Variants in MTMR8 observed in about 807,000 individuals in gnomAD.
MTMR8 encodes phosphatidylinositol-3,5-bisphosphate 3-phosphatase MTMR8.
MTMR8 carries 65 observed loss-of-function variants against 39.3 expected under a neutral mutation model. That is an observed-to-expected ratio of 1.65 (90% CI 1.35 to 2.03). MTMR8 has a LOEUF of 2.03. Ranked by LOEUF, MTMR8 falls within the 30% of genes most tolerant of loss-of-function variation. MTMR8 has a pLI of 0.00. For missense variants in MTMR8, 777 were observed against 538.9 expected (o/e 1.44, Z -4.37); for synonymous variants, 245 against 185.2 (o/e 1.32, Z -2.62).
chrX:64,296,516 G>A (rs992087526), intron 12 of MTMR8, among the ~76,000 whole-genome samples: 13 of 108,572 alleles, frequency 1.2e-4, no homozygotes, highest in Admixed American at 9.9e-4. Flanking sequence ...TGGGGCCAGA[G>A]GACGGACTGT....
intron 1 of MTMR8, among the ~76,000 whole-genome samples, chrX:64,376,349 C>A (rs1924266754): frequency 8.9e-6 from 1 of 111,836 alleles, no homozygotes; most frequent in Non-Finnish European, 1.9e-5. Flanking sequence ...ATGGTCGTGA[C>A]CAAAATGTTG....
chrX:64,379,869 G>C (rs1458565969), intron 1 of MTMR8, among the ~76,000 whole-genome samples: 1 of 110,851 alleles, frequency 9.0e-6, no homozygotes, highest in African/African-American at 3.3e-5. Flanking sequence ...TGTAATGTTG[G>C]TTCATCATTT....
At chrX:64,276,392 G>T (rs1259909419) in intron 12 of MTMR8, among the ~76,000 whole-genome samples, 1 of 111,328 alleles carries the variant, frequency 9.0e-6, no homozygotes. Context: ...GCTGATCTTA[G>T]ATCTTTCCTG....
Position 64,348,734 on chromosome X carries a change from C to G in MTMR8, c.658G>C (p.Glu220Gln), listed in dbSNP as rs1433923158. The change falls in exon 6 of 14, where the codon GAG becomes CAG. Residue 220 changes from glutamate (E) to glutamine (Q), a missense_variant. Physicochemically the swap from Glu to Gln is conservative, Grantham distance 29. Coordinates refer to ENST00000374852, the MANE Select transcript of MTMR8 (RefSeq NM_017677.4). ...TGGCTAATGGCCTCCAACAAGAGCT[C>G]ATCATCTACACAGCGAGTGTAAAAT... is the stretch of plus-strand genomic sequence containing the variant. Reference protein sequence around the residue: ...SGFYTRCVDDELLLEAISQTN... With the variant: ...SGFYTRCVDDQLLLEAISQTN... 5 of 1,210,809 alleles carry G rather than the reference C, an allele frequency of 4.1e-6. No homozygotes were observed. The highest frequency in any genetic ancestry group is 3.0e-5 in the East Asian group (1 of 33,779).
At chrX:64,289,066 A>T (rs1921307144) in intron 12 of MTMR8, among the ~76,000 whole-genome samples, 1 of 110,076 alleles carries the variant, frequency 9.1e-6, no homozygotes, top group Non-Finnish European at 1.9e-5. Flanking sequence ...AACTTCTACA[A>T]CAACAACAAC....
At chrX:64,294,161 G>C (rs1250267044) in intron 12 of MTMR8, among the ~76,000 whole-genome samples, 1 of 111,952 alleles carries the variant, frequency 8.9e-6, no homozygotes, top group Non-Finnish European at 1.9e-5. Flanking sequence ...GCTAACTATA[G>C]AGAGTTAAAT....
At chrX:64,373,059 C>G (rs1016167465) in intron 1 of MTMR8, among the ~76,000 whole-genome samples, 2 of 111,649 alleles carry the variant, frequency 1.8e-5, no homozygotes, top group African/African-American at 6.5e-5. Context: ...TACATGTTAT[C>G]TCATTTAATC....
chrX:64,374,792 C>A (rs1372027359), intron 1 of MTMR8, among the ~76,000 whole-genome samples: 1 of 110,225 alleles, frequency 9.1e-6, no homozygotes, highest in African/African-American at 3.3e-5. Flanking sequence ...CCAAGGTGGG[C>A]TGCAAATCCA....
intron 1 of MTMR8, among the ~76,000 whole-genome samples, chrX:64,369,083 A>G (rs1258212795): frequency 8.9e-6 from 1 of 112,190 alleles, no homozygotes; most frequent in African/African-American, 3.2e-5. Flanking sequence ...CACACCAGTT[A>G]GAATGGTTAT....
intron 1 of MTMR8, among the ~76,000 whole-genome samples, chrX:64,372,817 G>C (rs951716558): frequency 1.8e-5 from 2 of 111,746 alleles, no homozygotes; most frequent in African/African-American, 3.3e-5. Context: ...CATGAAAATA[G>C]GTTTTCATTT....
At chrX:64,276,557 C>G (rs183645262) in intron 12 of MTMR8, among the ~76,000 whole-genome samples, 12 of 111,909 alleles carry the variant, frequency 1.1e-4, no homozygotes, top group African/African-American at 3.2e-4. Context: ...CATTCAGGAG[C>G]AGGTTGTGCA....
chrX:64,362,468 G>A, intron 1 of MTMR8, among the ~76,000 whole-genome samples: 1 of 8,195 alleles, frequency 1.2e-4, no homozygotes, highest in Non-Finnish European at 1.8e-4. Context: ...TAGTACTATT[G>A]CAGAAAAAAA....
chrX:64,380,023 G>A (rs1396535104), intron 1 of MTMR8, among the ~76,000 whole-genome samples: 1 of 111,375 alleles, frequency 9.0e-6, no homozygotes, highest in East Asian at 2.8e-4. Flanking sequence ...GGAACAGAGG[G>A]GCATTTCCTC....
chrX:64,279,557 C>G (rs1229698915), intron 12 of MTMR8, among the ~76,000 whole-genome samples: 1 of 111,952 alleles, frequency 8.9e-6, no homozygotes, highest in African/African-American at 3.2e-5. Flanking sequence ...TCAATACTAC[C>G]CAAAGTGATT....
chrX:64,281,925 CA>C (rs200794848), intron 12 of MTMR8, among the ~76,000 whole-genome samples: 147 of 85,152 alleles, frequency 1.7e-3, no homozygotes, highest in East Asian at 7.0e-3. Flanking sequence ...AGATACTTCT[CA>C]AAAAAAAAAA....
chrX:64,268,560 C>A lies in MTMR8; in HGVS notation c.2092G>T (p.Ala698Ser). ...TGISKASTKEADYSKHQ is the reference protein window; with the variant it reads ...TGISKASTKESDYSKHQ ...ACTCACTGATGCTTGGAGTAGTCTG[C>A]CTCCTTGGTGCTGGCCTTGGAGATG... is the stretch of plus-strand genomic sequence containing the variant. The change falls in exon 14 of 14, where the codon GCA becomes TCA. Residue 698 changes from alanine (A) to serine (S), a missense_variant. By Grantham distance (99) the Ala-to-Ser change is moderately conservative. Coordinates refer to ENST00000374852, the MANE Select transcript of MTMR8 (RefSeq NM_017677.4). 1 of 1,208,103 alleles carries A rather than the reference C, an allele frequency of 8.3e-7. No individual in the cohort carries two copies. Among genetic ancestry groups the A allele is most frequent in the Admixed American group, 2.2e-5 (1 of 45,561 alleles).
chrX:64,353,869 CT>C (rs1189567863), intron 4 of MTMR8, among the ~76,000 whole-genome samples: 5 of 110,875 alleles, frequency 4.5e-5, no homozygotes, highest in Non-Finnish European at 9.4e-5. Context: ...TGAGGCTACA[CT>C]GAGCTATGGT....
At chrX:64,306,072 C>T (rs761686733) in intron 12 of MTMR8, 21 of 206,256 alleles carry the variant, frequency 1.0e-4, no homozygotes, top group African/African-American at 3.0e-4. Flanking sequence ...GCTGTGTTTG[C>T]GCCACTGCAT....
At chrX:64,320,619 C>T (rs1242479263) in intron 12 of MTMR8, among the ~76,000 whole-genome samples, 1 of 108,992 alleles carries the variant, frequency 9.2e-6, no homozygotes, top group East Asian at 2.9e-4. Context: ...ATGGAGCAAG[C>T]AGCAGACAGA....
Sources: allele counts gnomAD v4.1 joint callset (sites outside exome capture counted in the v4.1 genomes callset), GRCh38; gene constraint gnomAD v4.1.1; transcripts MANE v1.5; gene names NCBI Gene and HGNC (gene_info 2026-07-23, HGNC 2026-07-21).